Variants in NPHP3 observed in about 807,000 individuals in gnomAD.
The protein encoded by NPHP3 is nephrocystin 3.
A neutral mutation model predicts 171.9 loss-of-function variants in NPHP3; 123 were observed. The observed-to-expected ratio is 0.72, with a 90% CI of 0.62 to 0.83. The LOEUF (loss-of-function observed/expected upper bound fraction) is 0.83. Ranked by LOEUF, NPHP3 falls within the 40% of genes least tolerant of loss-of-function variation. The pLI is 0.00. For synonymous variants in NPHP3, 558 were observed against 579.2 expected (o/e 0.96, Z 0.52); for missense variants, 1,506 against 1,591.9 (o/e 0.95, Z 0.92).
chr3:132,716,079 G>T (rs1298001170), intron 4 of NPHP3, among the ~76,000 whole-genome samples: 3 of 152,022 alleles, frequency 2.0e-5, no homozygotes, highest in African/African-American at 7.3e-5. Flanking sequence ...ATTTTTTTTA[G>T]CTCATCAACT....
intron 15 of NPHP3, among the ~76,000 whole-genome samples, chr3:132,696,206 G>A (rs768935441): frequency 6.6e-6 from 1 of 151,878 alleles, no homozygotes; most frequent in Non-Finnish European, 1.5e-5. Context: ...ACATTCTAAC[G>A]GTTGAGAATA....
At chr3:132,688,011 A>G (rs1340955988) in intron 21 of NPHP3, among the ~76,000 whole-genome samples, 1 of 152,152 alleles carries the variant, frequency 6.6e-6, no homozygotes, top group African/African-American at 2.4e-5. Flanking sequence ...GACTTGGCCT[A>G]TGGGCAATGG....
intron 3 of NPHP3, 105 bp from the exon 4 acceptor site, chr3:132,717,014 A>G: frequency 1.7e-6 from 2 of 1,202,854 alleles, no homozygotes; most frequent in Non-Finnish European, 2.4e-6. Context: ...ATATGAAAAT[A>G]TTACAAATAT....
intron 6 of NPHP3, among the ~76,000 whole-genome samples, chr3:132,712,044 T>C (rs1939923547): frequency 6.6e-6 from 1 of 152,244 alleles, no homozygotes; most frequent in Non-Finnish European, 1.5e-5. Context: ...ATTTAGACAG[T>C]AAATCTAGAA....
At chr3:132,708,281 T>C (rs750406275) in intron 6 of NPHP3, 24 bp from the exon 7 acceptor site, 2 of 1,610,222 alleles carry the variant, frequency 1.2e-6, no homozygotes, top group Admixed American at 3.3e-5. Flanking sequence ...CAGCATTTTG[T>C]GTGCTATACT....
chr3:132,714,344 C>T (rs1016748416), intron 5 of NPHP3, among the ~76,000 whole-genome samples: 1 of 152,136 alleles, frequency 6.6e-6, no homozygotes, highest in Non-Finnish European at 1.5e-5. Flanking sequence ...CTATAGTGAC[C>T]CTTGCCTTAG....
At position 132,704,362 on chromosome 3, in the gene NPHP3, C is replaced by T. The variant is rs1939692373; in HGVS notation, c.1360G>A (p.Gly454Ser). 2 of 1,613,884 alleles carry T rather than the reference C, an allele frequency of 1.2e-6. No homozygotes were observed. The highest frequency in any genetic ancestry group is 2.7e-5 in the African/African-American group (2 of 74,886). ...VEKIIKQDIL[G>S]FENTDLETKD... ...GTCTCCAAGTCTGTGTTCTCAAAACCCAGTATGTCCTAAACACAAAGAACA... is the reference window on the plus strand; with the variant it reads ...GTCTCCAAGTCTGTGTTCTCAAAACTCAGTATGTCCTAAACACAAAGAACA... The change falls in exon 9 of 27, where the codon GGT (glycine) becomes AGT (serine). Residue 454 changes from glycine (G) to serine (S), a missense_variant. By Grantham distance (56) the Gly-to-Ser change is moderately conservative. Transcript: ENST00000337331.
At chr3:132,721,854 TA>T in intron 1 of NPHP3, 108 bp downstream of exon 1, 1 of 1,325,944 alleles carries the variant, frequency 7.5e-7, no homozygotes, top group Non-Finnish European at 1.1e-6. Flanking sequence ...CCTCTCAAAT[TA>T]AAATGGGCAG....
intron 6 of NPHP3, 90 bp downstream of exon 6, chr3:132,713,036 C>A: frequency 1.7e-6 from 1 of 592,180 alleles, no homozygotes; most frequent in Non-Finnish European, 2.9e-6. Flanking sequence ...TATAAGGATG[C>A]AATAAAATTT....
chr3:132,717,725 T>C lies in NPHP3; in HGVS notation c.671-816A>G, dbSNP rs1031814606. ...TGTGTTGGGGTATAAAAGAGCATTT[T>C]CTCAGCTACTCTTGGCCATTAAGAA... On this transcript the variant is annotated intron_variant, in intron 3 of 26. Coordinates refer to ENST00000337331, the MANE Select transcript of NPHP3 (RefSeq NM_153240.5). 7.2e-5 allele frequency among the ~76,000 whole-genome samples: 11 copies of C among 151,902 alleles called. 1 individual carries two copies. The highest frequency in any genetic ancestry group is 2.7e-4 in the African/African-American group (11 of 41,366).
At chr3:132,712,397 C>G (rs1377400568) in intron 6 of NPHP3, 3 of 456,444 alleles carry the variant, frequency 6.6e-6, no homozygotes, top group African/African-American at 6.0e-5. Flanking sequence ...TAGTAAACAA[C>G]TCAGGTTTTG....
chr3:132,722,033 T>G lies in NPHP3; in HGVS notation c.323A>C (p.Glu108Ala), dbSNP rs371290162. 1.1e-5 allele frequency: 18 copies of G among 1,612,936 alleles called. No individual in the cohort carries two copies. The highest frequency in any genetic ancestry group is 3.4e-6 in the Non-Finnish European group (4 of 1,179,854). ...YEIFRVSKNQELLSMGRREAK... is the reference protein window; with the variant it reads ...YEIFRVSKNQALLSMGRREAK... Reference sequence around the variant, plus strand: ...CTCGCGGCGGCCCATGGACAACAACTCCTGGTTCTTGCTGACGCGAAAGAT... The same window carrying G: ...CTCGCGGCGGCCCATGGACAACAACGCCTGGTTCTTGCTGACGCGAAAGAT... The change falls in exon 1 of 27, where the codon GAG becomes GCG. Residue 108 changes from glutamate (E) to alanine (A), a missense_variant. Glu to Ala is a moderately radical substitution (Grantham distance 107). Coordinates refer to ENST00000337331, the MANE Select transcript of NPHP3 (RefSeq NM_153240.5).
intron 7 of NPHP3, among the ~76,000 whole-genome samples, chr3:132,707,502 C>G (rs1481349438): frequency 6.6e-6 from 1 of 152,122 alleles, no homozygotes; most frequent in Non-Finnish European, 1.5e-5. Flanking sequence ...TGACACTAAT[C>G]CTTGGTCAGT....
chr3:132,712,872 G>A (rs1939952294), intron 6 of NPHP3, among the ~76,000 whole-genome samples: 1 of 152,012 alleles, frequency 6.6e-6, no homozygotes, highest in Non-Finnish European at 1.5e-5. Flanking sequence ...TTTGGCCCTT[G>A]GGCTATATTT....
intron 13 of NPHP3, 104 bp downstream of exon 13, chr3:132,699,249 G>T: frequency 1.3e-6 from 1 of 777,198 alleles, no homozygotes; most frequent in Non-Finnish European, 2.2e-6. Context: ...CTCACTGCAA[G>T]TTACATAAAA....
intron 15 of NPHP3, among the ~76,000 whole-genome samples, chr3:132,695,589 C>T (rs1939432469): frequency 6.6e-6 from 1 of 152,134 alleles, no homozygotes; most frequent in African/African-American, 2.4e-5. Context: ...CACTGATGTT[C>T]ACAGAGGCCA....
chr3:132,688,616 T>C, intron 21 of NPHP3, 34 bp downstream of exon 21: 1 of 1,609,964 alleles, frequency 6.2e-7, no homozygotes, highest in Non-Finnish European at 8.5e-7. Flanking sequence ...TCCCCCTGCA[T>C]AAAATCAGGT....
rs373136850 is a variant in NPHP3, at chr3:132,682,760, C to A, written c.3755G>T (p.Ser1252Ile). Residue 1252 changes from serine (S) to isoleucine (I), a missense_variant, in exon 26 of 27, where the codon AGC becomes ATC. Around this residue, in one of 3 missense-constraint regions of NPHP3, gnomAD observed 569 missense variants for 648.1 expected, o/e 0.88. Transcript: ENST00000337331. ...YERALKIYEDSLGRMHPRVGE... is the reference protein window; with the variant it reads ...YERALKIYEDILGRMHPRVGE... ...AACTCGAGGATGCATCCGACCCAGGCTATCTTCATAAATCTTTAATGCTCT... is the reference window on the plus strand; with the variant it reads ...AACTCGAGGATGCATCCGACCCAGGATATCTTCATAAATCTTTAATGCTCT... The A allele has an allele frequency of 6.2e-7, 1 of 1,613,714 alleles. No individual in the cohort carries two copies. Among genetic ancestry groups the A allele is most frequent in the Non-Finnish European group, 8.5e-7 (1 of 1,179,638 alleles).
intron 3 of NPHP3, among the ~76,000 whole-genome samples, chr3:132,717,720 C>G (rs1017744200): frequency 2.7e-5 from 4 of 148,054 alleles, no homozygotes; most frequent in Non-Finnish European, 5.9e-5. Context: ...TATAAAAGAG[C>G]ATTTTCTCAG....
Sources: gnomAD v4.1 joint callset for allele counts (sites outside exome capture counted in the v4.1 genomes callset) on GRCh38, gnomAD v4.1.1 for gene constraint, gnomAD v4.1.1 regional missense constraint, MANE v1.5 for transcripts, NCBI Gene and HGNC (gene_info 2026-07-23, HGNC 2026-07-21) for gene names.